Variants in LGALS4 observed in about 807,000 individuals in gnomAD.
The protein encoded by LGALS4 is galectin-4.
In LGALS4, 37 loss-of-function variants were observed where a neutral mutation model predicts 39.6. That is an observed-to-expected ratio of 0.93 (90% CI 0.72 to 1.23). The LOEUF is 1.23. Ranked by LOEUF, LGALS4 falls within the 50% of genes most tolerant of loss-of-function variation. The pLI, the probability that LGALS4 is intolerant of heterozygous loss-of-function variation, is 0.00. For missense variants in LGALS4, 397 were observed against 433.2 expected, an observed-to-expected ratio of 0.92 and a Z score of 0.74; for synonymous variants, 160 against 165.5, an observed-to-expected ratio of 0.97 and a Z score of 0.25.
chr19:38,812,907 G>T lies in LGALS4; in HGVS notation c.-21C>A, dbSNP rs374847113. On this transcript the variant is annotated 5_prime_UTR_variant, in exon 1 of 10. Transcript: ENST00000307751. ...GCCATCGCTCGAGGCTGCGCTAGTG[G>T]CTGGTCCTGTGAGAAGAGCTGCAGG... 6.2e-7 allele frequency: 1 copy of T among 1,608,938 alleles called. No individual in the cohort carries two copies. The highest frequency in any genetic ancestry group is 1.3e-5 in the African/African-American group (1 of 75,022).
intron 7 of LGALS4, 187 bp downstream of exon 7, chr19:38,803,335 G>A: frequency 1.6e-6 from 1 of 627,060 alleles, no homozygotes; most frequent in Non-Finnish European, 2.8e-6. Context: ...AATTTTCTGA[G>A]AGGTCCCACT....
chr19:38,809,044 C>T, intron 2 of LGALS4, 96 bp from the exon 3 acceptor site: 1 of 1,022,236 alleles, frequency 9.8e-7, no homozygotes, highest in Non-Finnish European at 1.4e-6. Context: ...TGTCCTCGGC[C>T]TCCCTGGCCC....
At chr19:38,804,612 C>CT (rs1207493663) in intron 4 of LGALS4, among the ~76,000 whole-genome samples, 18 of 152,246 alleles carry the variant, frequency 1.2e-4, no homozygotes, top group Non-Finnish European at 2.5e-4. Context: ...TTGTAATTAA[C>CT]TCCATTCTGC....
intron 1 of LGALS4, 115 bp downstream of exon 1, chr19:38,812,727 G>T: frequency 8.4e-7 from 1 of 1,186,854 alleles, no homozygotes. Context: ...GGTCAGCTTT[G>T]GGTAAATCAG....
At chr19:38,809,173 CTTTTT>C (rs34677297) in intron 2 of LGALS4, among the ~76,000 whole-genome samples, 5 of 104,908 alleles carry the variant, frequency 4.8e-5, no homozygotes, top group South Asian at 6.7e-4. Context: ...GCCTTTCCTT[CTTTTT>C]TTTTTTTTTT....
At chr19:38,811,383 A>C (rs970932682) in intron 2 of LGALS4, among the ~76,000 whole-genome samples, 5 of 152,212 alleles carry the variant, frequency 3.3e-5, no homozygotes, top group African/African-American at 9.6e-5. Context: ...TGATCCTCCC[A>C]GCACTTTAGG....
chr19:38,809,213 C>G (rs1467928196), intron 2 of LGALS4, among the ~76,000 whole-genome samples: 1 of 127,732 alleles, frequency 7.8e-6, no homozygotes, highest in African/African-American at 2.9e-5. Context: ...GAGTCTTGCT[C>G]TGTTGCCCAG....
chr19:38,810,713 G>A (rs1971483312), intron 2 of LGALS4, among the ~76,000 whole-genome samples: 1 of 151,836 alleles, frequency 6.6e-6, no homozygotes, highest in Non-Finnish European at 1.5e-5. Context: ...CTGACCTCAG[G>A]TGATCTGCCT....
Position 38,806,508 on chromosome 19 carries a change from G to C in LGALS4, c.427C>G (p.Gln143Glu). Residue 143 changes from glutamine (Q) to glutamate (E), a missense_variant, in exon 4 of 10, where the codon CAA (glutamine) becomes GAA (glutamate). By Grantham distance (29) the Gln-to-Glu change is conservative (BLOSUM62 2). Coordinates refer to ENST00000307751, the MANE Select transcript of LGALS4 (RefSeq NM_006149.4). The stretch of plus-strand genomic sequence containing the variant: ...CCGATGAAGTTGATTGATTGAAGTT[G>C]CAGATCCCCATCCACTTGCAGGTGG... ...VTHLQVDGDLQLQSINFIGGQ... is the reference protein window; with the variant it reads ...VTHLQVDGDLELQSINFIGGQ... 6.2e-7 allele frequency: 1 copy of C among 1,614,218 alleles called. No individual in the cohort carries two copies. The highest frequency in any genetic ancestry group is 8.5e-7 in the Non-Finnish European group (1 of 1,180,012).
At chr19:38,810,971 G>A (rs944796043) in intron 2 of LGALS4, among the ~76,000 whole-genome samples, 13 of 144,080 alleles carry the variant, frequency 9.0e-5, no homozygotes, top group African/African-American at 2.3e-4. Context: ...GCACGATCTC[G>A]GCTCACCGAA....
At position 38,807,821 on chromosome 19, in the gene LGALS4, C is replaced by G. The variant is rs561273295; in HGVS notation, c.339+923G>C. Among the ~76,000 whole-genome samples, 3 of 152,288 alleles carry G rather than the reference C, an allele frequency of 2.0e-5. No homozygotes were observed. The East Asian group carries it at 5.8e-4, about 29-fold the overall frequency. On this transcript the variant is annotated intron_variant, in intron 3 of 9. Transcript: ENST00000307751. Reference sequence around the variant, plus strand: ...CCTTGAGTTGCTGTTAATCTGTAACCTTACCCTGTGTTCCCTGAGACATGT... The same window carrying G: ...CCTTGAGTTGCTGTTAATCTGTAACGTTACCCTGTGTTCCCTGAGACATGT...
In LGALS4 at chr19:38,808,833, A is replaced by G; in HGVS notation, c.250T>C (p.Trp84Arg). 1 of 1,614,056 alleles carries G rather than the reference A, an allele frequency of 6.2e-7. No individual in the cohort carries two copies. Among genetic ancestry groups the G allele is most frequent in the African/African-American group, 1.3e-5 (1 of 75,016 alleles). The change falls in exon 3 of 10, where the codon TGG becomes CGG. Residue 84 changes from tryptophan to arginine, a missense_variant. Physicochemically the swap from Trp to Arg is moderately radical, Grantham distance 101. Transcript: ENST00000307751. Reference protein sequence around the residue: ...VVFNTLQGGKWGSEERKRSMP... With the variant: ...VVFNTLQGGKRGSEERKRSMP... Reference sequence around the variant, plus strand: ...CTCCTCTTCCTCTCCTCGCTGCCCCACTTCCCGCCCTGCAACGTGTTGAAG... The same window carrying G: ...CTCCTCTTCCTCTCCTCGCTGCCCCGCTTCCCGCCCTGCAACGTGTTGAAG...
chr19:38,811,051 G>C (rs1014533720), intron 2 of LGALS4, among the ~76,000 whole-genome samples: 1 of 151,784 alleles, frequency 6.6e-6, no homozygotes. Context: ...ACAGGCATGC[G>C]CCACCACGCC....
chr19:38,812,481 G>T lies in LGALS4; in HGVS notation c.84C>A (p.Asn28Lys). 3 of 1,614,186 alleles carry T rather than the reference G, an allele frequency of 1.9e-6. No individual in the cohort carries two copies. Among genetic ancestry groups the T allele is most frequent in the Non-Finnish European group, 2.5e-6 (3 of 1,180,018 alleles). Residue 28 changes from asparagine (N) to lysine (K), a missense_variant, in exon 2 of 10, where the codon AAC becomes AAA. Coordinates refer to ENST00000307751, the MANE Select transcript of LGALS4 (RefSeq NM_006149.4). ...PYYQPIPGGL[N>K]VGMSVYIQGV... is the part of the protein sequence containing the mutation. ...CTTGGATGTAAACAGACATTCCCAC[G>T]TTGAGCCCGCCCGGGATGGGCTGGT...
rs769130124 is a variant in LGALS4, at chr19:38,808,954, G to A, written c.135-6C>T. The A allele has an allele frequency of 2.4e-5, 39 of 1,594,380 alleles. No individual in the cohort carries two copies. The highest frequency in any genetic ancestry group is 4.0e-5 in the African/African-American group (3 of 74,412). ...CCACAAAGTTCACGAAGAACCTGGC[G>A]GGACACAAAGGGCTCATTCCCCTGG... On this transcript the variant is annotated splice_region_variant and splice_polypyrimidine_tract_variant and intron_variant, in intron 2 of 9. Coordinates refer to ENST00000307751, the MANE Select transcript of LGALS4 (RefSeq NM_006149.4).
At chr19:38,803,235 G>A (rs188232938) in intron 7 of LGALS4, 5 of 502,806 alleles carry the variant, frequency 9.9e-6, no homozygotes, top group South Asian at 5.0e-5. Flanking sequence ...GGATGGTCTC[G>A]ATCGATCTCC....
At chr19:38,807,378 A>G (rs968758307) in intron 3 of LGALS4, among the ~76,000 whole-genome samples, 3 of 152,192 alleles carry the variant, frequency 2.0e-5, no homozygotes. Context: ...AGAGGAAAAC[A>G]AAAAGTACAC....
At chr19:38,811,606 T>C (rs1248722035) in intron 2 of LGALS4, among the ~76,000 whole-genome samples, 1 of 151,900 alleles carries the variant, frequency 6.6e-6, no homozygotes, top group African/African-American at 2.4e-5. Context: ...CGAAGTGAGC[T>C]ATAATATTGT....
At chr19:38,808,361 C>T (rs889822516) in intron 3 of LGALS4, among the ~76,000 whole-genome samples, 31 of 151,762 alleles carry the variant, frequency 2.0e-4, no homozygotes, top group South Asian at 2.1e-4. Flanking sequence ...TGGTGGCTCA[C>T]GCCTGTAATT....
Sources: allele counts gnomAD v4.1 joint callset (sites outside exome capture counted in the v4.1 genomes callset), GRCh38; gene constraint gnomAD v4.1.1; transcripts MANE v1.5; gene names NCBI Gene and HGNC (gene_info 2026-07-23, HGNC 2026-07-21).